SAMTOR: variants seen among roughly 807,000 people sequenced by gnomAD.
The protein encoded by SAMTOR is S-adenosylmethionine sensor upstream of mTORC1.
At chr7:112,835,477 T>C in the SAMTOR span, among the ~76,000 whole-genome samples, 6 of 152,260 alleles carry the variant, frequency 3.9e-5, no homozygotes, top group East Asian at 5.8e-4. Context: ...CTTAATAAAG[T>C]TGAAGTTCTT....
At chr7:112,876,285 TTC>T in the SAMTOR span, among the ~76,000 whole-genome samples, 7,261 of 152,208 alleles carry the variant, frequency 0.048, 568 homozygotes, top group African/African-American at 0.16. Flanking sequence ...TGTAACTATT[TTC>T]TGATTTTTGA....
chr7:112,907,988 C>T, the SAMTOR span, among the ~76,000 whole-genome samples: 1 of 152,096 alleles, frequency 6.6e-6, no homozygotes, highest in African/African-American at 2.4e-5. Flanking sequence ...ACCTAGGAAT[C>T]TACAAATATA....
the SAMTOR span, among the ~76,000 whole-genome samples, chr7:112,887,565 T>C: frequency 6.6e-6 from 1 of 152,292 alleles, no homozygotes; most frequent in South Asian, 2.1e-4. Context: ...AGTGAAAACA[T>C]CTGAGCCTGG....
the SAMTOR span, among the ~76,000 whole-genome samples, chr7:112,922,890 C>T: frequency 2.0e-4 from 1 of 4,926 alleles, no homozygotes; most frequent in Admixed American, 6.3e-3. Context: ...GGGGGGTCAG[C>T]CCCCCCCCCC....
At chr7:112,872,403 T>G in the SAMTOR span, among the ~76,000 whole-genome samples, 1 of 151,788 alleles carries the variant, frequency 6.6e-6, no homozygotes, top group East Asian at 1.9e-4. Flanking sequence ...GAAAAAGCAA[T>G]AGAAAAATCC....
the SAMTOR span, among the ~76,000 whole-genome samples, chr7:112,925,476 T>C: frequency 6.6e-6 from 1 of 152,212 alleles, no homozygotes; most frequent in Non-Finnish European, 1.5e-5. Flanking sequence ...TTCTTTTCCT[T>C]TCTGCAAGAC....
At chr7:112,890,009 G>C in the SAMTOR span, among the ~76,000 whole-genome samples, 2 of 152,222 alleles carry the variant, frequency 1.3e-5, no homozygotes, top group African/African-American at 4.8e-5. Context: ...GGCTGTAGTT[G>C]TGGTTGGGTT....
the SAMTOR span, among the ~76,000 whole-genome samples, chr7:112,858,076 T>C: frequency 6.6e-6 from 1 of 152,132 alleles, no homozygotes; most frequent in African/African-American, 2.4e-5. Context: ...GGACCACCAT[T>C]TGTTCTTATT....
At chr7:112,833,107 A>G in the SAMTOR span, among the ~76,000 whole-genome samples, 1 of 152,004 alleles carries the variant, frequency 6.6e-6, no homozygotes, top group Non-Finnish European at 1.5e-5. Context: ...TTTAAAAAAT[A>G]TATTTTTTCA....
chr7:112,827,571 C>T, the SAMTOR span, among the ~76,000 whole-genome samples: 207 of 152,236 alleles, frequency 1.4e-3, no homozygotes, highest in Non-Finnish European at 1.2e-3. Context: ...CCCAAATCCA[C>T]GTTCAAGTCC....
chr7:112,913,658 A>G, the SAMTOR span, among the ~76,000 whole-genome samples: 1 of 152,120 alleles, frequency 6.6e-6, no homozygotes, highest in Non-Finnish European at 1.5e-5. Flanking sequence ...TACAAAATCT[A>G]GCTGTTCATT....
At chr7:112,870,871 CAG>C in the SAMTOR span, among the ~76,000 whole-genome samples, 1 of 149,828 alleles carries the variant, frequency 6.7e-6, no homozygotes, top group South Asian at 2.1e-4. Context: ...TAAAAAAAAA[CAG>C]GGGTCACTAT....
chr7:112,939,502 A>G, the SAMTOR span: 1 of 1,590,884 alleles, frequency 6.3e-7, no homozygotes, highest in Non-Finnish European at 8.6e-7. Flanking sequence ...TTACATTTTA[A>G]TGGTGGCCTC....
At chr7:112,896,192 TGCAC>T in the SAMTOR span, among the ~76,000 whole-genome samples, 19 of 152,004 alleles carry the variant, frequency 1.2e-4, no homozygotes, top group African/African-American at 3.9e-4. Context: ...TGAGTGTGCG[TGCAC>T]GCGCGCACGC....
At chr7:112,863,086 T>C in the SAMTOR span, among the ~76,000 whole-genome samples, 2 of 152,092 alleles carry the variant, frequency 1.3e-5, no homozygotes, top group South Asian at 4.1e-4. Flanking sequence ...AAAATACATA[T>C]ATATAGGCCA....
the SAMTOR span, among the ~76,000 whole-genome samples, chr7:112,869,385 GGCA>G: frequency 6.6e-6 from 1 of 151,790 alleles, no homozygotes; most frequent in Non-Finnish European, 1.5e-5. Flanking sequence ...TCTACTGGAC[GGCA>G]GCCTGAATTA....
chr7:112,899,789 G>GGAAAAAAAA, the SAMTOR span, among the ~76,000 whole-genome samples: 1 of 113,388 alleles, frequency 8.8e-6, no homozygotes, highest in Non-Finnish European at 1.7e-5. Flanking sequence ...TGTGCTGAAG[G>GGAAAAAAAA]AAAAAAAAAA....
the SAMTOR span, among the ~76,000 whole-genome samples, chr7:112,834,706 G>C: frequency 2.6e-5 from 4 of 152,016 alleles, no homozygotes; most frequent in Non-Finnish European, 5.9e-5. Context: ...AATTCACATA[G>C]GCATGGCTTC....
chr7:112,892,036 TC>T, the SAMTOR span, among the ~76,000 whole-genome samples: 1 of 152,248 alleles, frequency 6.6e-6, no homozygotes, highest in Admixed American at 6.5e-5. Flanking sequence ...AATTGGTCAG[TC>T]CTCTCAAACC....
Sources: allele counts gnomAD v4.1 joint callset (sites outside exome capture counted in the v4.1 genomes callset), GRCh38; gene constraint gnomAD v4.1.1; transcripts MANE v1.5; gene names NCBI Gene and HGNC (gene_info 2026-07-23, HGNC 2026-07-21).